PARVB: variants seen among roughly 807,000 people sequenced by gnomAD.
The protein encoded by PARVB is parvin beta, also known as beta-parvin.
A neutral mutation model predicts 47.0 loss-of-function variants in PARVB; 46 were observed. The ratio of observed to expected loss-of-function variants is 0.98; its 90% CI spans 0.77 to 1.25. The LOEUF (loss-of-function observed/expected upper bound fraction) is 1.25. Ranked by LOEUF, PARVB falls within the 50% of genes most tolerant of loss-of-function variation. The pLI is 0.00. For missense variants in PARVB, 473 were observed against 471.6 expected, an observed-to-expected ratio of 1.00 and a Z score of -0.03; for synonymous variants, 196 against 196.3, an observed-to-expected ratio of 1.00 and a Z score of 0.01.
intron 2 of PARVB, among the ~76,000 whole-genome samples, chr22:44,002,784 C>T (rs769651181): frequency 1.3e-5 from 2 of 151,974 alleles, no homozygotes; most frequent in Admixed American, 6.6e-5. Flanking sequence ...AACCAGTTGG[C>T]CTGTTTTCAA....
chr22:44,151,328 A>G (rs2053803088), intron 9 of PARVB, 155 bp from the exon 10 acceptor site: 2 of 616,320 alleles, frequency 3.2e-6, no homozygotes, highest in Admixed American at 2.6e-5. Context: ...TACTGTCAGG[A>G]TATTGAGTTT....
chr22:44,064,332 G>A (rs890995515), intron 1 of PARVB, among the ~76,000 whole-genome samples: 7 of 152,210 alleles, frequency 4.6e-5, no homozygotes, highest in Non-Finnish European at 5.9e-5. Context: ...GGCATGCGCC[G>A]TGCCCAGGTG....
In PARVB at chr22:44,125,087, G is replaced by A. The variant is rs2053158748; in HGVS notation, c.376+5947G>A. On this transcript the variant is annotated intron_variant, in intron 4 of 12. Coordinates refer to ENST00000338758, the MANE Select transcript of PARVB (RefSeq NM_013327.5). This position sits in a 1 kb window ranked among gnomAD's most constrained non-coding sequence, Gnocchi z 4.1. ...GAGGGTGGGGGGATGAGGTGCTGGGGAGGCCATGTCCCATAACTCACTCTG... is the reference window on the plus strand; with the variant it reads ...GAGGGTGGGGGGATGAGGTGCTGGGAAGGCCATGTCCCATAACTCACTCTG... Among the ~76,000 whole-genome samples the A allele has an allele frequency of 6.6e-6, 1 of 152,090 alleles. No homozygotes were observed. Among genetic ancestry groups the A allele is most frequent in the Non-Finnish European group, 1.5e-5 (1 of 67,996 alleles).
At chr22:44,074,136 C>A (rs955360673) in intron 1 of PARVB, among the ~76,000 whole-genome samples, 5 of 152,148 alleles carry the variant, frequency 3.3e-5, no homozygotes, top group Admixed American at 3.3e-4. Context: ...GAGTGGGGGT[C>A]CTGGAAGGGG....
At chr22:44,079,662 A>G (rs2051855431) in intron 1 of PARVB, among the ~76,000 whole-genome samples, 1 of 152,188 alleles carries the variant, frequency 6.6e-6, no homozygotes, top group Non-Finnish European at 1.5e-5. Context: ...GTTTTTGCAC[A>G]TTGAAAACAA....
At chr22:44,053,734 T>A (rs1000681260) in intron 1 of PARVB, among the ~76,000 whole-genome samples, 5 of 152,170 alleles carry the variant, frequency 3.3e-5, no homozygotes, top group African/African-American at 1.2e-4. Flanking sequence ...CACAGCCCCA[T>A]CTTTGGGTTC....
intron 2 of PARVB, among the ~76,000 whole-genome samples, chr22:44,006,355 G>A (rs760997910): frequency 3.9e-5 from 6 of 152,254 alleles, no homozygotes; most frequent in African/African-American, 1.2e-4. Context: ...GCCAGATGCC[G>A]TGTCTCATGC....
intron 1 of PARVB, among the ~76,000 whole-genome samples, chr22:44,054,324 C>T (rs912128523): frequency 5.9e-5 from 9 of 152,186 alleles, no homozygotes; most frequent in Non-Finnish European, 1.2e-4. Flanking sequence ...AAGTGATCCT[C>T]CCACCTCAGC....
intron 12 of PARVB, 36 bp from the exon 13 acceptor site, chr22:44,168,565 TG>T (rs769866217): frequency 2.8e-6 from 4 of 1,415,704 alleles, no homozygotes; most frequent in Non-Finnish European, 3.0e-6. Context: ...GACAGGAGGA[TG>T]GCACGCCTCT....
chr22:44,016,623 A>G (rs183313356), intron 2 of PARVB, among the ~76,000 whole-genome samples: 143 of 152,320 alleles, frequency 9.4e-4, no homozygotes, highest in African/African-American at 3.0e-3. Context: ...TATTTTAAAT[A>G]ATTTTGTGCG....
intron 2 of PARVB, among the ~76,000 whole-genome samples, chr22:44,013,640 C>T (rs2050547103): frequency 1.3e-5 from 2 of 151,748 alleles, no homozygotes; most frequent in Non-Finnish European, 2.9e-5. Flanking sequence ...CTACATTGTT[C>T]TTTTTTTTTC....
At chr22:44,101,851 C>G (rs773707784) in intron 3 of PARVB, among the ~76,000 whole-genome samples, 8 of 151,528 alleles carry the variant, frequency 5.3e-5, no homozygotes, top group Non-Finnish European at 7.4e-5. Flanking sequence ...TATTTTTTCC[C>G]TCTGAATACC....
At chr22:44,004,154 T>C (rs1241773468) in intron 2 of PARVB, among the ~76,000 whole-genome samples, 1 of 152,030 alleles carries the variant, frequency 6.6e-6, no homozygotes, top group Non-Finnish European at 1.5e-5. Flanking sequence ...TCAAACTAGA[T>C]GTTTGCCAAA....
intron 3 of PARVB, among the ~76,000 whole-genome samples, chr22:44,118,231 G>A (rs1177929539): frequency 1.2e-4 from 18 of 152,200 alleles, no homozygotes; most frequent in Admixed American, 1.2e-3. Context: ...GCGTAGGCAC[G>A]AAAGAAGGAC....
Position 44,097,435 on chromosome 22 carries a change from C to T in PARVB, c.203-2618C>T, listed in dbSNP as rs540037335. Among the ~76,000 whole-genome samples the T allele has an allele frequency of 1.1e-3, 172 of 152,306 alleles. 1 individual carries two copies. Among genetic ancestry groups the T allele is most frequent in the African/African-American group, 4.0e-3 (168 of 41,566 alleles). ...GAGGGCCATGATGTGCAGTGGCCTGCGGGGGTTTCATGTCCAGGGTCCCCG... is the reference window on the plus strand; with the variant it reads ...GAGGGCCATGATGTGCAGTGGCCTGTGGGGGTTTCATGTCCAGGGTCCCCG... On this transcript the variant is annotated intron_variant, in intron 2 of 12. Transcript: ENST00000338758.
chr22:44,060,776 C>A (rs2146958094), intron 1 of PARVB, among the ~76,000 whole-genome samples: 1 of 152,024 alleles, frequency 6.6e-6, no homozygotes, highest in South Asian at 2.1e-4. Flanking sequence ...TTCTTAAACT[C>A]AGCCAGTTCT....
chr22:44,172,884 A>G lies in PARVB; in HGVS notation c.*4206A>G, dbSNP rs934759327. On this transcript the variant is annotated 3_prime_UTR_variant, in exon 13 of 13. Coordinates refer to ENST00000338758, the MANE Select transcript of PARVB (RefSeq NM_013327.5). ...TTCCGCCAGGGATGCGGTTAGGACA[A>G]TGCCACGTGGCGTCACAGTATGCTG... 5 of 1,010,986 alleles carry G rather than the reference A, an allele frequency of 4.9e-6. No homozygotes were observed. Among genetic ancestry groups the G allele is most frequent in the African/African-American group, 1.7e-5 (1 of 59,968 alleles). 62.6% of individuals were successfully genotyped at this position (1,010,986 alleles called of 1,614,324 possible). A position where few individuals can be genotyped will look rare whatever the true frequency, so the allele number is the denominator to read the frequency against.
At chr22:44,079,028 C>T (rs1398271166) in intron 1 of PARVB, among the ~76,000 whole-genome samples, 1 of 152,162 alleles carries the variant, frequency 6.6e-6, no homozygotes, top group African/African-American at 2.4e-5. Flanking sequence ...CGCCCGGCCC[C>T]TGTGAGTTTT....
intron 1 of PARVB, among the ~76,000 whole-genome samples, chr22:44,047,228 C>T (rs2051130094): frequency 6.6e-6 from 1 of 152,102 alleles, no homozygotes; most frequent in African/African-American, 2.4e-5. Flanking sequence ...TCTGGGGAGG[C>T]CTCAGGGGCT....
Sources: gnomAD v4.1 joint callset for allele counts (sites outside exome capture counted in the v4.1 genomes callset) on GRCh38, gnomAD v4.1.1 for gene constraint, Gnocchi (gnomAD v3.1) non-coding constraint, MANE v1.5 for transcripts, NCBI Gene and HGNC (gene_info 2026-07-23, HGNC 2026-07-21) for gene names.